PHACTR2: variants seen among roughly 807,000 people sequenced by gnomAD.
PHACTR2 encodes phosphatase and actin regulator 2, also known as chromosome 6 open reading frame 56.
PHACTR2 carries 30 observed loss-of-function variants against 76.0 expected under a neutral mutation model. The ratio of observed to expected loss-of-function variants is 0.39; its 90% CI spans 0.30 to 0.54. The LOEUF is 0.54. Ranked by LOEUF, PHACTR2 falls within the 20% of genes least tolerant of loss-of-function variation. The pLI, the probability that PHACTR2 is intolerant of heterozygous loss-of-function variation, is 0.61. For synonymous variants in PHACTR2, 292 were observed against 292.5 expected, an observed-to-expected ratio of 1.00 and a Z score of 0.02; for missense variants, 696 against 781.1, an observed-to-expected ratio of 0.89 and a Z score of 1.30.
intron 6 of PHACTR2, among the ~76,000 whole-genome samples, chr6:143,768,503 G>A (rs537557570): frequency 2.2e-4 from 33 of 152,294 alleles, no homozygotes; most frequent in African/African-American, 7.2e-4. Flanking sequence ...AGAATAAGGT[G>A]CAACATGTAA....
At chr6:143,725,231 G>A (rs60101936) in intron 2 of PHACTR2, among the ~76,000 whole-genome samples, 15,098 of 109,540 alleles carry the variant, frequency 0.14, 1,921 homozygotes, top group African/African-American at 0.33. Context: ...TTTTTGAGGC[G>A]AAGTCTCTCT....
intron 1 of PHACTR2, among the ~76,000 whole-genome samples, chr6:143,628,965 A>ATATATATATATAAATGCAG (rs1776311917): frequency 1.0e-5 from 1 of 99,548 alleles, no homozygotes; most frequent in African/African-American, 3.8e-5. Context: ...ATATATATAT[A>ATATATATATATAAATGCAG]TATATATATA....
chr6:143,555,679 A>C (rs543353012), intron 1 of PHACTR2, among the ~76,000 whole-genome samples: 1 of 152,264 alleles, frequency 6.6e-6, no homozygotes, highest in South Asian at 2.1e-4. Context: ...CCCCCACCCT[A>C]GATGATTATG....
chr6:143,733,152 C>G lies in PHACTR2; in HGVS notation c.215-15833C>G, dbSNP rs530564769. Among the ~76,000 whole-genome samples, 1 of 152,314 alleles carries G rather than the reference C, an allele frequency of 6.6e-6. No homozygotes were observed. Among genetic ancestry groups the G allele is most frequent in the South Asian group, 2.1e-4 (1 of 4,824 alleles). ...CTTCAAGTGATTGTCCTACCTTGACCTCCCAAAGTGCTGGGATTATAGATG... is the reference window on the plus strand; with the variant it reads ...CTTCAAGTGATTGTCCTACCTTGACGTCCCAAAGTGCTGGGATTATAGATG... On this transcript the variant is annotated intron_variant, in intron 2 of 12. Coordinates refer to ENST00000440869, the MANE Select transcript of PHACTR2 (RefSeq NM_001100164.2). The surrounding 1 kb of genome is among the most constrained non-coding windows in gnomAD (Gnocchi z 4.0).
chr6:143,691,578 A>T (rs186313330), intron 1 of PHACTR2, among the ~76,000 whole-genome samples: 13 of 152,242 alleles, frequency 8.5e-5, no homozygotes, highest in Non-Finnish European at 1.8e-4. Flanking sequence ...AAGTAAATAT[A>T]TAGTTACATT....
At chr6:143,786,253 C>T (rs1775555381) in intron 10 of PHACTR2, among the ~76,000 whole-genome samples, 1 of 152,214 alleles carries the variant, frequency 6.6e-6, no homozygotes, top group South Asian at 2.1e-4. Flanking sequence ...ATCTCTAGGG[C>T]AGGGGCAAAA....
At position 143,537,468 on chromosome 6, in the gene PHACTR2, T is replaced by C. The variant is rs1390646712; in HGVS notation, c.217+261T>C. On this transcript the variant is annotated intron_variant, in intron 1 of 11. Coordinates refer to the PHACTR2 transcript ENST00000367584. The surrounding 1 kb of genome is among the most constrained non-coding windows in gnomAD (Gnocchi z 4.4). ...TTGCGGGGCGAGTGTGCAGCCTGGG[T>C]TGGGGTAGGGAGCGCTCCCTCTCGG... Among the ~76,000 whole-genome samples the C allele has an allele frequency of 2.0e-5, 3 of 151,780 alleles. No individual in the cohort carries two copies. The highest frequency in any genetic ancestry group is 7.3e-5 in the African/African-American group (3 of 41,282).
rs1330188399 is a variant in PHACTR2, at chr6:143,816,753, T to C, written c.1923-6921T>C. ...ATTAAATACAGAATACTTTCCAGGA[T>C]AATATTGGGCTTTCAAAGATTATCT... On this transcript the variant is annotated intron_variant, in intron 12 of 12. Coordinates refer to ENST00000440869, the MANE Select transcript of PHACTR2 (RefSeq NM_001100164.2). This position sits in a 1 kb window ranked among gnomAD's most constrained non-coding sequence, Gnocchi z 4.5. Among the ~76,000 whole-genome samples, 1 of 152,122 alleles carries C rather than the reference T, an allele frequency of 6.6e-6. No individual in the cohort carries two copies. Among genetic ancestry groups the C allele is most frequent in the East Asian group, 1.9e-4 (1 of 5,194 alleles).
At chr6:143,701,907 A>G (rs1226103305) in intron 1 of PHACTR2, among the ~76,000 whole-genome samples, 2 of 152,158 alleles carry the variant, frequency 1.3e-5, no homozygotes, top group Non-Finnish European at 2.9e-5. Flanking sequence ...GAATTTTTAA[A>G]GTTGGAAAGG....
intron 2 of PHACTR2, among the ~76,000 whole-genome samples, chr6:143,735,985 T>G (rs1778808928): frequency 6.6e-6 from 1 of 150,972 alleles, no homozygotes; most frequent in Non-Finnish European, 1.5e-5. Flanking sequence ...TAATGATAAC[T>G]AACTCATTGA....
chr6:143,777,512 A>G lies in PHACTR2; in HGVS notation c.1645+129A>G. ...CAAGATGGACTGAAATAGTCCATTT[A>G]TGTCACATTTATATGTAATTGTTTA... On this transcript the variant is annotated intron_variant, in intron 9 of 12. Transcript: ENST00000440869. The surrounding 1 kb of genome is among the most constrained non-coding windows in gnomAD (Gnocchi z 4.6). 1 of 442,410 alleles carries G rather than the reference A, an allele frequency of 2.3e-6. No homozygotes were observed. Among genetic ancestry groups the G allele is most frequent in the East Asian group, 3.5e-5 (1 of 28,458 alleles). The allele number at this position is 442,410 out of a possible 1,614,324, so 27.4% of individuals were successfully genotyped here.
intron 1 of PHACTR2, among the ~76,000 whole-genome samples, chr6:143,686,882 A>G (rs1313118641): frequency 6.6e-6 from 1 of 152,064 alleles, no homozygotes; most frequent in Non-Finnish European, 1.5e-5. Flanking sequence ...GTCCACCTGG[A>G]CCTTGACCGT....
Position 143,719,349 on chromosome 6 carries a change from C to CT in PHACTR2, c.214+7187dup, listed in dbSNP as rs34643788. Among the ~76,000 whole-genome samples, 464 of 86,894 alleles carry CT rather than the reference C, an allele frequency of 5.3e-3. 10 individuals carry two copies. The highest frequency in any genetic ancestry group is 0.016 in the East Asian group (49 of 3,068). 57.0% of individuals were successfully genotyped at this position (86,894 alleles called of 152,430 possible). A position where few individuals can be genotyped will look rare whatever the true frequency, so the allele number is the denominator to read the frequency against. On this transcript the variant is annotated intron_variant, in intron 2 of 12. Transcript: ENST00000440869. Reference sequence around the variant, plus strand: ...GCTTCTTGCTTTGTGTTCGACACTTCTTTTTTTTTTTTTTTTTTTTTGAGA... The same window carrying CT: ...GCTTCTTGCTTTGTGTTCGACACTTCTTTTTTTTTTTTTTTTTTTTTTGAGA...
At chr6:143,691,268 G>A (rs887097075) in intron 1 of PHACTR2, among the ~76,000 whole-genome samples, 1 of 149,210 alleles carries the variant, frequency 6.7e-6, no homozygotes, top group Admixed American at 6.6e-5. Context: ...GGTAAGTCAG[G>A]GACCTTCTGT....
rs1019091756 is a variant in PHACTR2 at position 143,811,787 on chromosome 6, T to C, written c.1922+4654T>C. On this transcript the variant is annotated intron_variant, in intron 12 of 12. Transcript: ENST00000440869. The surrounding 1 kb of genome is among the most constrained non-coding windows in gnomAD (Gnocchi z 4.1). ...ATTTTCAAGCTGTTTTCAGTAATTC[T>C]TTTAAGGGGAAAAAGTTCTGGTAAT... is the stretch of plus-strand genomic sequence containing the variant. Among the ~76,000 whole-genome samples, 1 of 152,212 alleles carries C rather than the reference T, an allele frequency of 6.6e-6. No individual in the cohort carries two copies. The highest frequency in any genetic ancestry group is 6.5e-5 in the Admixed American group (1 of 15,276).
intron 1 of PHACTR2, among the ~76,000 whole-genome samples, chr6:143,657,455 A>G (rs553680826): frequency 1.3e-5 from 2 of 152,104 alleles, no homozygotes; most frequent in South Asian, 2.1e-4. Context: ...CTAGAACTTC[A>G]TCAGTCATAG....
At chr6:143,693,426 C>T (rs1777695808) in intron 1 of PHACTR2, among the ~76,000 whole-genome samples, 1 of 152,040 alleles carries the variant, frequency 6.6e-6, no homozygotes, top group African/African-American at 2.4e-5. Flanking sequence ...TTAGTAGAGA[C>T]GGGGTTTCGC....
rs1777378078 is a variant in PHACTR2, at chr6:143,680,996, T to C, written c.46+2787T>C. 6.6e-6 allele frequency among the ~76,000 whole-genome samples: 1 copy of C among 152,210 alleles called. No individual in the cohort carries two copies. The highest frequency in any genetic ancestry group is 1.5e-5 in the Non-Finnish European group (1 of 68,026). ...GTATGAATATGCCACATTTTATTTA[T>C]CCATTTATCAGTTGATGGACATTTG... On this transcript the variant is annotated intron_variant, in intron 1 of 12. Coordinates refer to ENST00000440869, the MANE Select transcript of PHACTR2 (RefSeq NM_001100164.2). The surrounding 1 kb of genome is among the most constrained non-coding windows in gnomAD (Gnocchi z 4.5).
chr6:143,705,301 T>TC (rs1778024652), intron 1 of PHACTR2, among the ~76,000 whole-genome samples: 1 of 149,622 alleles, frequency 6.7e-6, no homozygotes, highest in African/African-American at 2.5e-5. Context: ...GCATTTTTTT[T>TC]TTTTTTTTTT....
Sources: gnomAD v4.1 joint callset for allele counts (sites outside exome capture counted in the v4.1 genomes callset) on GRCh38, gnomAD v4.1.1 for gene constraint, Gnocchi (gnomAD v3.1) non-coding constraint, MANE v1.5 for transcripts, NCBI Gene and HGNC (gene_info 2026-07-23, HGNC 2026-07-21) for gene names.